GLIS1: variants seen among roughly 807,000 people sequenced by gnomAD.
GLIS1 encodes the protein GLIS family zinc finger 1.
Under a neutral mutation model 63.8 loss-of-function variants are expected in GLIS1, and 24 were observed. The ratio of observed to expected loss-of-function variants is 0.38; its 90% CI spans 0.27 to 0.53. GLIS1 has a LOEUF of 0.53. GLIS1 is among the 20% of genes least tolerant of loss of function. The pLI is 0.85. For synonymous variants in GLIS1, 450 were observed against 482.5 expected, an observed-to-expected ratio of 0.93 and a Z score of 0.88; for missense variants, 1,036 against 1,074.1, an observed-to-expected ratio of 0.96 and a Z score of 0.50.
At chr1:53,714,691 C>T (rs899006245) in intron 2 of GLIS1, among the ~76,000 whole-genome samples, 2 of 152,162 alleles carry the variant, frequency 1.3e-5, no homozygotes, top group African/African-American at 2.4e-5. Context: ...CTGTGCCAGG[C>T]CCTGTACTGA....
At chr1:53,672,728 C>A (rs1646165607) in intron 2 of GLIS1, among the ~76,000 whole-genome samples, 1 of 152,194 alleles carries the variant, frequency 6.6e-6, no homozygotes, top group South Asian at 2.1e-4. Context: ...TGACAATGTG[C>A]CCTGCAAGAC....
At chr1:53,565,558 T>C (rs1352802610) in intron 4 of GLIS1, among the ~76,000 whole-genome samples, 2 of 151,788 alleles carry the variant, frequency 1.3e-5, no homozygotes, top group Admixed American at 6.6e-5. Flanking sequence ...ACAGATCCAG[T>C]GAAGATTAAA....
At chr1:53,642,046 T>C (rs1645792841) in intron 2 of GLIS1, among the ~76,000 whole-genome samples, 1 of 152,210 alleles carries the variant, frequency 6.6e-6, no homozygotes, top group Admixed American at 6.5e-5. Flanking sequence ...GCCTGGAGGC[T>C]GCTCCTGGGG....
intron 4 of GLIS1, among the ~76,000 whole-genome samples, chr1:53,533,479 A>T (rs773452141): frequency 1.3e-5 from 2 of 152,240 alleles, no homozygotes; most frequent in Non-Finnish European, 2.9e-5. Context: ...ATGTTGGCCC[A>T]GCCTTGTTCT....
chr1:53,589,233 G>A (rs781305548), intron 4 of GLIS1, among the ~76,000 whole-genome samples: 5 of 152,198 alleles, frequency 3.3e-5, no homozygotes, highest in South Asian at 2.1e-4. Context: ...AGCCTCCCAC[G>A]TAGCTGGGGC....
intron 4 of GLIS1, among the ~76,000 whole-genome samples, chr1:53,584,532 G>A (rs149031203): frequency 1.4e-3 from 220 of 152,292 alleles, no homozygotes; most frequent in Non-Finnish European, 2.5e-3. Context: ...TTTGCCACCA[G>A]ACCATTCTTC....
chr1:53,669,405 C>T (rs1465037), intron 2 of GLIS1, among the ~76,000 whole-genome samples: 3 of 151,300 alleles, frequency 2.0e-5, no homozygotes, highest in East Asian at 3.9e-4. Context: ...GTGTGGTCAG[C>T]GAGGGAGAAA....
At chr1:53,681,035 G>A (rs1057351976) in intron 2 of GLIS1, among the ~76,000 whole-genome samples, 1 of 152,218 alleles carries the variant, frequency 6.6e-6, no homozygotes, top group Admixed American at 6.5e-5. Flanking sequence ...AGGGCCTTCA[G>A]CCTGACTGCG....
At chr1:53,649,498 A>G (rs547223600) in intron 2 of GLIS1, among the ~76,000 whole-genome samples, 3 of 152,312 alleles carry the variant, frequency 2.0e-5, no homozygotes, top group Admixed American at 2.0e-4. Context: ...CATATTTTTT[A>G]TCGTGTTTAG....
At chr1:53,721,953 T>C (rs1007588043) in intron 2 of GLIS1, among the ~76,000 whole-genome samples, 3 of 152,194 alleles carry the variant, frequency 2.0e-5, no homozygotes, top group Admixed American at 2.0e-4. Context: ...ACTTTAAAAA[T>C]GCCAATTCTT....
At chr1:53,697,107 T>C (rs1381820103) in intron 2 of GLIS1, among the ~76,000 whole-genome samples, 2 of 152,102 alleles carry the variant, frequency 1.3e-5, no homozygotes, top group Non-Finnish European at 2.9e-5. Context: ...GGGAGGGAGC[T>C]GGGAGGAGGC....
intron 2 of GLIS1, among the ~76,000 whole-genome samples, chr1:53,709,369 T>TACATATACATATAC: frequency 1.4e-5 from 1 of 73,170 alleles, no homozygotes; most frequent in Admixed American, 1.5e-4. Flanking sequence ...CATATACATA[T>TACATATACATATAC]ATATATACAT....
chr1:53,693,093 G>A (rs895953397), intron 2 of GLIS1, among the ~76,000 whole-genome samples: 1 of 152,224 alleles, frequency 6.6e-6, no homozygotes, highest in African/African-American at 2.4e-5. Flanking sequence ...CCCAGACAGA[G>A]AAGCAGGGCA....
intron 7 of GLIS1, among the ~76,000 whole-genome samples, chr1:53,519,546 C>T (rs370888875): frequency 1.3e-5 from 2 of 152,272 alleles, no homozygotes; most frequent in Non-Finnish European, 1.5e-5. Context: ...GGGGGTAGAG[C>T]GCAAGGACTG....
chr1:53,699,073 A>AT (rs56770938), intron 2 of GLIS1, among the ~76,000 whole-genome samples: 37,414 of 149,674 alleles, frequency 0.25, 4,994 homozygotes, highest in African/African-American at 0.35. Context: ...TTTTATTTTT[A>AT]TTTTTTTTTG....
intron 2 of GLIS1, among the ~76,000 whole-genome samples, chr1:53,658,239 A>G (rs1052214356): frequency 3.3e-5 from 5 of 152,070 alleles, no homozygotes; most frequent in Non-Finnish European, 7.4e-5. Flanking sequence ...GCTCTCTCCT[A>G]TGGACCCTTT....
chr1:53,675,861 C>A (rs2100411093), intron 2 of GLIS1, among the ~76,000 whole-genome samples: 1 of 152,074 alleles, frequency 6.6e-6, no homozygotes, highest in African/African-American at 2.4e-5. Context: ...CCCCAACCCC[C>A]ACCCCACAGA....
chr1:53,671,453 G>T (rs1249751227), intron 2 of GLIS1, among the ~76,000 whole-genome samples: 1 of 152,244 alleles, frequency 6.6e-6, no homozygotes, highest in Non-Finnish European at 1.5e-5. Context: ...ATTTGGAGAA[G>T]AGTGCCCAAG....
intron 2 of GLIS1, among the ~76,000 whole-genome samples, chr1:53,730,492 T>C (rs1646849419): frequency 6.6e-6 from 1 of 152,224 alleles, no homozygotes; most frequent in African/African-American, 2.4e-5. Context: ...GTCAGGTTTA[T>C]AGTACTCCCT....
Sources: allele counts gnomAD v4.1 joint callset (sites outside exome capture counted in the v4.1 genomes callset), GRCh38; gene constraint gnomAD v4.1.1; transcripts MANE v1.5; gene names NCBI Gene and HGNC (gene_info 2026-07-23, HGNC 2026-07-21).